CCDC66: variants seen among roughly 807,000 people sequenced by gnomAD.
CCDC66 encodes coiled-coil domain containing 66, also known as coiled-coil domain-containing protein 66.
A neutral mutation model predicts 128.3 loss-of-function variants in CCDC66; 133 were observed. That is an observed-to-expected ratio of 1.04 (90% CI 0.90 to 1.20). The LOEUF is 1.20. Ranked by LOEUF, CCDC66 falls within the 50% of genes most tolerant of loss-of-function variation. The pLI is 0.00. For missense variants in CCDC66, 1,126 were observed against 1,075.5 expected, an observed-to-expected ratio of 1.05 and a Z score of -0.66; for synonymous variants, 387 against 357.0, an observed-to-expected ratio of 1.08 and a Z score of -0.95.
chr3:56,568,778 A>G (rs892508282), intron 6 of CCDC66, among the ~76,000 whole-genome samples: 1 of 152,192 alleles, frequency 6.6e-6, no homozygotes, highest in African/African-American at 2.4e-5. Context: ...AAATAAGCTT[A>G]TTGCTTTCTT....
intron 7 of CCDC66, among the ~76,000 whole-genome samples, chr3:56,592,738 A>G (rs1158661210): frequency 1.3e-5 from 2 of 151,688 alleles, no homozygotes; most frequent in Non-Finnish European, 2.9e-5. Context: ...CTTCCCTTAC[A>G]CTTAGATATC....
At chr3:56,568,559 A>G (rs1229290753) in intron 6 of CCDC66, among the ~76,000 whole-genome samples, 2 of 152,236 alleles carry the variant, frequency 1.3e-5, no homozygotes, top group African/African-American at 4.8e-5. Flanking sequence ...CATTAATGTC[A>G]TCAGTACATT....
At chr3:56,562,238 G>C (rs1318250595) in intron 3 of CCDC66, among the ~76,000 whole-genome samples, 1 of 151,804 alleles carries the variant, frequency 6.6e-6, no homozygotes, top group South Asian at 2.1e-4. Context: ...TTGTACAGAC[G>C]GGAGTCTTCC....
chr3:56,580,462 C>T (rs1422935404), intron 7 of CCDC66, among the ~76,000 whole-genome samples: 1 of 151,766 alleles, frequency 6.6e-6, no homozygotes, highest in African/African-American at 2.4e-5. Flanking sequence ...ATGATGTTAG[C>T]TGGTTATTTT....
At chr3:56,585,277 AAAC>A (rs1202510626) in intron 7 of CCDC66, among the ~76,000 whole-genome samples, 5 of 151,896 alleles carry the variant, frequency 3.3e-5, no homozygotes, top group African/African-American at 7.2e-5. Flanking sequence ...GGGTGGAAGA[AAAC>A]AACAATACAT....
chr3:56,567,226 C>T (rs940415384), intron 6 of CCDC66, among the ~76,000 whole-genome samples, 173 bp downstream of exon 6: 1 of 152,102 alleles, frequency 6.6e-6, no homozygotes, highest in Non-Finnish European at 1.5e-5. Context: ...CCCATCTCTA[C>T]TAAAAATATA....
chr3:56,568,184 A>G (rs979462765), intron 6 of CCDC66, among the ~76,000 whole-genome samples: 1 of 152,110 alleles, frequency 6.6e-6, no homozygotes, highest in Admixed American at 6.5e-5. Context: ...TTCCCCACAA[A>G]AGACAGCTTT....
intron 7 of CCDC66, among the ~76,000 whole-genome samples, chr3:56,573,423 T>G (rs909865448): frequency 1.3e-5 from 2 of 152,166 alleles, no homozygotes; most frequent in African/African-American, 4.8e-5. Context: ...TTCAAGGTGT[T>G]GGGGAAGGGA....
chr3:56,584,880 A>G (rs2069331960), intron 7 of CCDC66, among the ~76,000 whole-genome samples: 1 of 151,978 alleles, frequency 6.6e-6, no homozygotes, highest in Non-Finnish European at 1.5e-5. Flanking sequence ...ACTCACGGTT[A>G]GGAGCTGCAG....
At chr3:56,565,435 G>A (rs974858220) in intron 4 of CCDC66, among the ~76,000 whole-genome samples, 107 of 133,012 alleles carry the variant, frequency 8.0e-4, no homozygotes, top group Non-Finnish European at 1.4e-3. Context: ...CACCACACCC[G>A]GCTAACTTTT....
chr3:56,615,395 A>G lies in CCDC66; in HGVS notation c.1711+123A>G, dbSNP rs564505852. On this transcript the variant is annotated intron_variant, in intron 12 of 17. Transcript: ENST00000394672. ...GCACAGGCTAGAGTGCAGTGGTGCC[A>G]TCACAGCTCACTGCAACCTCATATT... The G allele has an allele frequency of 1.2e-3, 1,107 of 911,378 alleles. 1 individual carries two copies. Among genetic ancestry groups the G allele is most frequent in the Non-Finnish European group, 1.6e-3 (1,019 of 629,752 alleles). The allele number at this position is 911,378 out of a possible 1,614,324, so 56.5% of individuals were successfully genotyped here. A position where few individuals can be genotyped will look rare whatever the true frequency, so the allele number is the denominator to read the frequency against.
At chr3:56,565,305 G>C (rs574053117) in intron 4 of CCDC66, 1 of 183,078 alleles carries the variant, frequency 5.5e-6, no homozygotes, top group South Asian at 9.1e-5. Flanking sequence ...ATGGGGTCTC[G>C]CTTTGTCACC....
intron 7 of CCDC66, among the ~76,000 whole-genome samples, chr3:56,581,734 T>C (rs1407197409): frequency 6.6e-6 from 1 of 151,812 alleles, no homozygotes; most frequent in Admixed American, 6.6e-5. Flanking sequence ...ACAGCAGATA[T>C]TGCAGAACAG....
chr3:56,587,834 A>C (rs1460997941), intron 7 of CCDC66, among the ~76,000 whole-genome samples: 1 of 152,160 alleles, frequency 6.6e-6, no homozygotes, highest in Non-Finnish European at 1.5e-5. Flanking sequence ...GCACCACTGC[A>C]CTCCAGCCTG....
At chr3:56,598,852 C>T (rs1005149930) in intron 10 of CCDC66, among the ~76,000 whole-genome samples, 44 of 152,026 alleles carry the variant, frequency 2.9e-4, no homozygotes, top group Non-Finnish European at 2.9e-5. Flanking sequence ...CTATGTTCAT[C>T]AAAAATAGTG....
chr3:56,582,016 G>T (rs1468596631), intron 7 of CCDC66, among the ~76,000 whole-genome samples: 1 of 151,910 alleles, frequency 6.6e-6, no homozygotes, highest in Non-Finnish European at 1.5e-5. Context: ...CCCAGAGGTG[G>T]AGTCTACAGA....
At chr3:56,613,442 T>G (rs1039448689) in intron 10 of CCDC66, 147 bp from the exon 11 acceptor site, 1 of 795,574 alleles carries the variant, frequency 1.3e-6, no homozygotes, top group Non-Finnish European at 2.0e-6. Flanking sequence ...CTCTGTTAGA[T>G]CTACGTGAAG....
At chr3:56,597,433 A>T (rs561705123) in intron 10 of CCDC66, among the ~76,000 whole-genome samples, 1 of 152,012 alleles carries the variant, frequency 6.6e-6, no homozygotes, top group African/African-American at 2.4e-5. Context: ...TCTGTGAAAA[A>T]TGAAGGTGGT....
chr3:56,595,943 C>T (rs917358997), intron 10 of CCDC66, among the ~76,000 whole-genome samples: 1 of 152,214 alleles, frequency 6.6e-6, no homozygotes, highest in African/African-American at 2.4e-5. Context: ...GAGACAGGGT[C>T]TTGCTCTGCT....
Sources: gnomAD v4.1 joint callset for allele counts (sites outside exome capture counted in the v4.1 genomes callset) on GRCh38, gnomAD v4.1.1 for gene constraint, MANE v1.5 for transcripts, NCBI Gene and HGNC (gene_info 2026-07-23, HGNC 2026-07-21) for gene names.